Variants in ZNF37A observed in about 807,000 individuals in gnomAD.
ZNF37A encodes the protein zinc finger protein 37a (KOX 21).
ZNF37A carries 10 observed loss-of-function variants against 12.3 expected under a neutral mutation model. The observed-to-expected ratio is 0.82, with a 90% CI of 0.50 to 1.38. The LOEUF is 1.38. Ranked by LOEUF, ZNF37A falls within the 40% of genes most tolerant of loss-of-function variation. The probability of loss-of-function intolerance (pLI) is 0.00; values close to 1 mark genes in which losing one functional copy is unlikely to be tolerated. For missense variants in ZNF37A, 580 were observed against 651.2 expected (o/e 0.89, Z 1.19); for synonymous variants, 207 against 223.0 (o/e 0.93, Z 0.64).
At chr10:38,112,334 C>T (rs1438357698) in intron 5 of ZNF37A, among the ~76,000 whole-genome samples, 1 of 152,044 alleles carries the variant, frequency 6.6e-6, no homozygotes, top group Non-Finnish European at 1.5e-5. Context: ...CAAGCTTCTC[C>T]TGTCCTAGGT....
At chr10:38,099,852 T>C (rs2067420001) in intron 5 of ZNF37A, among the ~76,000 whole-genome samples, 1 of 152,214 alleles carries the variant, frequency 6.6e-6, no homozygotes, top group African/African-American at 2.4e-5. Flanking sequence ...GTGGTTTTGA[T>C]TTGTATTTCC....
chr10:38,107,228 C>T (rs1490121695), intron 5 of ZNF37A, among the ~76,000 whole-genome samples: 3 of 152,154 alleles, frequency 2.0e-5, no homozygotes, highest in Non-Finnish European at 4.4e-5. Flanking sequence ...GAATTTTCAA[C>T]CCAGAATTTC....
rs1343446702 is a variant in ZNF37A, at chr10:38,119,567, A to G, written c.*730A>G. On this transcript the variant is annotated 3_prime_UTR_variant, in exon 8 of 8. Transcript: ENST00000685332. Reference sequence around the variant, plus strand: ...GTTGCAGGATATCTAGCAATTTAAGAAAATGTGGAAAAAATATTTTTATTG... The same window carrying G: ...GTTGCAGGATATCTAGCAATTTAAGGAAATGTGGAAAAAATATTTTTATTG... 3 of 231,636 alleles carry G rather than the reference A, an allele frequency of 1.3e-5. No individual in the cohort carries two copies. Among genetic ancestry groups the G allele is most frequent in the Non-Finnish European group, 2.1e-5 (3 of 140,908 alleles). 14.3% of individuals were successfully genotyped at this position (231,636 alleles called of 1,614,324 possible). A position where few individuals can be genotyped will look rare whatever the true frequency, so the allele number is the denominator to read the frequency against.
chr10:38,128,521 G>T (rs1428809135), downstream of ZNF37A, among the ~76,000 whole-genome samples: 1 of 152,056 alleles, frequency 6.6e-6, no homozygotes, highest in African/African-American at 2.4e-5. Flanking sequence ...TAAAAAGTTT[G>T]AGTTTTATCT....
rs2069655537 is a variant in ZNF37A at position 38,120,938 on chromosome 10, G to C, written c.*2101G>C. ...AATGATTAGAACTTAGGAAGTGCCA[G>C]TGGGTTGGTGAACATGCCATCAGTA... is the stretch of plus-strand genomic sequence containing the variant. On this transcript the variant is annotated 3_prime_UTR_variant, in exon 8 of 8. Coordinates refer to ENST00000685332, the MANE Select transcript of ZNF37A (RefSeq NM_001324250.3). 6.6e-6 allele frequency: 1 copy of C among 152,234 alleles called. No individual in the cohort carries two copies. Among genetic ancestry groups the C allele is most frequent in the Non-Finnish European group, 1.5e-5 (1 of 68,048 alleles). The allele number at this position is 152,234 out of a possible 1,614,324, so 9.4% of individuals were successfully genotyped here. A position where few individuals can be genotyped will look rare whatever the true frequency, so the allele number is the denominator to read the frequency against.
At chr10:38,147,678 A>T (rs993132779) in exon 8 of ZNF37A, 1 of 152,240 alleles carries the variant, frequency 6.6e-6, no homozygotes, top group Non-Finnish European at 1.5e-5. Context: ...TCAATGAAAA[A>T]CAGAGCTTGC....
At chr10:38,112,147 T>TA (rs35812511) in intron 5 of ZNF37A, among the ~76,000 whole-genome samples, 59,922 of 146,374 alleles carry the variant, frequency 0.41, 12,368 homozygotes, top group East Asian at 0.5. Flanking sequence ...AAAAAAAAAC[T>TA]AAAAAAAAAC....
chr10:38,107,544 A>G (rs930741093), intron 5 of ZNF37A, among the ~76,000 whole-genome samples: 3 of 152,362 alleles, frequency 2.0e-5, no homozygotes, highest in South Asian at 2.1e-4. Context: ...TGCCCCAGTT[A>G]AAATACACAG....
At chr10:38,116,568 GA>G (rs2069286671) in intron 7 of ZNF37A, among the ~76,000 whole-genome samples, 1 of 152,130 alleles carries the variant, frequency 6.6e-6, no homozygotes, top group African/African-American at 2.4e-5. Context: ...ACTTGTAAAA[GA>G]ATGGCTTGGT....
chr10:38,117,304 CTG>C, intron 7 of ZNF37A, 84 bp from the exon 8 acceptor site: 6 of 1,510,838 alleles, frequency 4.0e-6, no homozygotes, highest in Non-Finnish European at 5.3e-6. Context: ...ATGGCCTAAA[CTG>C]AGCCATGCCT....
At chr10:38,111,979 C>T (rs1325664377) in intron 5 of ZNF37A, among the ~76,000 whole-genome samples, 4 of 150,576 alleles carry the variant, frequency 2.7e-5, no homozygotes, top group South Asian at 2.1e-4. Context: ...GGCGCGATCT[C>T]GGCCCACTGC....
intron 5 of ZNF37A, among the ~76,000 whole-genome samples, chr10:38,113,970 T>C (rs1375104531): frequency 2.6e-5 from 4 of 152,214 alleles, no homozygotes; most frequent in Non-Finnish European, 5.9e-5. Flanking sequence ...AGCATGCCTA[T>C]TTATATTTTT....
intron 5 of ZNF37A, among the ~76,000 whole-genome samples, chr10:38,101,811 CCTTTTATTTTTCTT>C (rs2135893609): frequency 6.9e-6 from 1 of 144,264 alleles, no homozygotes; most frequent in South Asian, 2.1e-4. Flanking sequence ...ATTTCTTTTT[CCTTTTATTTTTCTT>C]TTTTTTTTTT....
intron 5 of ZNF37A, among the ~76,000 whole-genome samples, chr10:38,100,665 A>G (rs768860065): frequency 9.9e-5 from 15 of 152,046 alleles, no homozygotes; most frequent in Non-Finnish European, 1.9e-4. Flanking sequence ...AGGTGCCCAG[A>G]TTTCGTATTT....
intron 5 of ZNF37A, among the ~76,000 whole-genome samples, chr10:38,105,645 T>G (rs2068002632): frequency 6.6e-6 from 1 of 152,194 alleles, no homozygotes; most frequent in Admixed American, 6.5e-5. Flanking sequence ...AATCACCTCC[T>G]AAAGGCCATG....
At chr10:38,105,323 T>G (rs2067973811) in intron 5 of ZNF37A, among the ~76,000 whole-genome samples, 1 of 152,176 alleles carries the variant, frequency 6.6e-6, no homozygotes, top group South Asian at 2.1e-4. Flanking sequence ...ATCTCTTACC[T>G]GCCAGTGCTA....
At chr10:38,113,205 A>ATTTTTTTTT (rs71007697) in intron 5 of ZNF37A, among the ~76,000 whole-genome samples, 2 of 75,852 alleles carry the variant, frequency 2.6e-5, no homozygotes, top group South Asian at 5.0e-4. Flanking sequence ...TTAGTCTGTG[A>ATTTTTTTTT]TTTTTTTTTT....
intron 7 of ZNF37A, among the ~76,000 whole-genome samples, chr10:38,132,509 A>G (rs1351100042): frequency 6.6e-6 from 1 of 152,060 alleles, no homozygotes; most frequent in Non-Finnish European, 1.5e-5. Flanking sequence ...ATTTACTAGT[A>G]TTTTGTTTAA....
chr10:38,137,634 C>G (rs1174451099), intron 7 of ZNF37A: 4 of 152,170 alleles, frequency 2.6e-5, no homozygotes, highest in African/African-American at 4.8e-5. Flanking sequence ...ACCTTTCACC[C>G]TTGAATGTGG....
Sources: allele counts gnomAD v4.1 joint callset (sites outside exome capture counted in the v4.1 genomes callset), GRCh38; gene constraint gnomAD v4.1.1; transcripts MANE v1.5; gene names NCBI Gene and HGNC (gene_info 2026-07-23, HGNC 2026-07-21).